CEP85L: variants seen among roughly 807,000 people sequenced by gnomAD.
CEP85L encodes centrosomal protein of 85 kDa-like.
CEP85L carries 60 observed loss-of-function variants against 100.3 expected under a neutral mutation model. The observed-to-expected ratio is 0.60, with a 90% CI of 0.49 to 0.74. CEP85L has a LOEUF of 0.74. Among genes scored for constraint, CEP85L ranks in the 30% least tolerant of loss-of-function variants. CEP85L has a pLI of 0.00. For synonymous variants in CEP85L, 319 were observed against 322.7 expected, an observed-to-expected ratio of 0.99 and a Z score of 0.12; for missense variants, 973 against 936.2, an observed-to-expected ratio of 1.04 and a Z score of -0.51.
At chr6:118,568,530 G>C (rs1279447433) in intron 2 of CEP85L, among the ~76,000 whole-genome samples, 1 of 152,182 alleles carries the variant, frequency 6.6e-6, no homozygotes, top group African/African-American at 2.4e-5. Flanking sequence ...GATAGGTAAA[G>C]GTGAAGCAGA....
intron 2 of CEP85L, among the ~76,000 whole-genome samples, chr6:118,575,173 C>A (rs985454688): frequency 2.6e-5 from 4 of 152,100 alleles, no homozygotes; most frequent in Admixed American, 1.3e-4. Context: ...ATGGGAAATA[C>A]CCCAGACAAG....
At chr6:118,564,961 A>G (rs989680338) in intron 3 of CEP85L, 2 of 153,018 alleles carry the variant, frequency 1.3e-5, no homozygotes, top group Non-Finnish European at 2.9e-5. Flanking sequence ...AGCACTTTCT[A>G]TAAGCTGATT....
Position 118,465,519 on chromosome 6 carries a change from T to C in CEP85L, c.2304A>G (p.Thr768=). The C allele has an allele frequency of 1.2e-6, 2 of 1,613,608 alleles. No individual in the cohort carries two copies. The highest frequency in any genetic ancestry group is 1.7e-6 in the Non-Finnish European group (2 of 1,179,658). ...EETENDHSTE[T]LTKKLSDVCQ... is the part of the protein sequence containing the mutation. ...ACACATCTGACAGCTTTTTAGTGAG[T>C]GTTTCTGTGCTGTGGTCATTCTCAG... Residue 768 remains threonine, a synonymous_variant, in exon 13 of 13, where the codon ACA becomes ACG. Coordinates refer to ENST00000368491, the MANE Select transcript of CEP85L (RefSeq NM_001042475.3).
At chr6:118,644,368 T>C (rs1215041154) in intron 1 of CEP85L, among the ~76,000 whole-genome samples, 2 of 152,002 alleles carry the variant, frequency 1.3e-5, no homozygotes, top group Non-Finnish European at 2.9e-5. Context: ...CTCTACTGTC[T>C]TCTCTATTCT....
intron 4 of CEP85L, among the ~76,000 whole-genome samples, chr6:118,519,466 GTGTGTGT>G (rs1776496882): frequency 4.8e-5 from 3 of 63,152 alleles, no homozygotes; most frequent in Non-Finnish European, 1.0e-4. Flanking sequence ...GTGTGTGTGT[GTGTGTGT>G]GGCGGGGGGG....
rs113117903 is a variant in CEP85L, at chr6:118,644,306, G to A, written c.73+6891C>T. On this transcript the variant is annotated intron_variant, in intron 1 of 12. Coordinates refer to ENST00000368491, the MANE Select transcript of CEP85L (RefSeq NM_001042475.3). ...CTGCTCCTTCTCAGTGTCTTTGGAC[G>A]GCACATCTTCCTCTGCCTGAAGAGA... 1.7e-4 allele frequency among the ~76,000 whole-genome samples: 26 copies of A among 151,670 alleles called. 1 individual carries two copies. Among genetic ancestry groups the A allele is most frequent in the East Asian group, 5.8e-4 (3 of 5,136 alleles).
At chr6:118,530,826 T>G (rs1262432022) in intron 3 of CEP85L, among the ~76,000 whole-genome samples, 1 of 149,542 alleles carries the variant, frequency 6.7e-6, no homozygotes, top group Non-Finnish European at 1.5e-5. Context: ...ACAACAAGAA[T>G]TACAAAACAC....
chr6:118,542,924 C>G (rs981464471), intron 3 of CEP85L, among the ~76,000 whole-genome samples: 1 of 54,230 alleles, frequency 1.8e-5, no homozygotes, highest in Non-Finnish European at 4.2e-5. Context: ...AAAAAAAAAA[C>G]AGGATATTCA....
chr6:118,550,515 G>A (rs185066910), intron 3 of CEP85L, among the ~76,000 whole-genome samples: 14 of 151,848 alleles, frequency 9.2e-5, no homozygotes, highest in Admixed American at 7.9e-4. Flanking sequence ...ATATACTCGT[G>A]TACACAAATA....
chr6:118,637,591 T>TA (rs1397641007), intron 1 of CEP85L, among the ~76,000 whole-genome samples: 3 of 150,272 alleles, frequency 2.0e-5, no homozygotes, highest in Non-Finnish European at 4.4e-5. Context: ...GGCACATGCC[T>TA]GTAGTCTCAG....
At chr6:118,541,881 T>G (rs1454843047) in intron 3 of CEP85L, among the ~76,000 whole-genome samples, 2 of 152,218 alleles carry the variant, frequency 1.3e-5, no homozygotes, top group East Asian at 3.8e-4. Flanking sequence ...TTAGCTCATT[T>G]TCTCAAAGAA....
At chr6:118,596,450 C>T (rs1246492158) in intron 2 of CEP85L, among the ~76,000 whole-genome samples, 4 of 152,018 alleles carry the variant, frequency 2.6e-5, no homozygotes, top group Admixed American at 6.6e-5. Context: ...GGTAAGCACA[C>T]TTACCAAAGA....
chr6:118,481,906 T>A lies in CEP85L; in HGVS notation c.1618A>T (p.Asn540Tyr). 6.4e-7 allele frequency: 1 copy of A among 1,570,128 alleles called. No individual in the cohort carries two copies. Among genetic ancestry groups the A allele is most frequent in the Non-Finnish European group, 8.6e-7 (1 of 1,158,830 alleles). Reference sequence around the variant, plus strand: ...GTATCTATCAAAGCCTCTTGTAAATTCTTATTTTTTTCTTCCAGAATCTGC... The same window carrying A: ...GTATCTATCAAAGCCTCTTGTAAATACTTATTTTTTTCTTCCAGAATCTGC... Reference protein sequence around the residue: ...QLQILEEKNKNLQEALIDTEK... With the variant: ...QLQILEEKNKYLQEALIDTEK... The change falls in exon 8 of 13, where the codon AAT becomes TAT. Residue 540 changes from asparagine (N) to tyrosine (Y), a missense_variant. By Grantham distance (143) the Asn-to-Tyr change is moderately radical. Around this residue, in one of 3 missense-constraint regions of CEP85L, gnomAD observed 890 missense variants for 844.5 expected, o/e 1.05. Coordinates refer to ENST00000368491, the MANE Select transcript of CEP85L (RefSeq NM_001042475.3).
chr6:118,490,250 A>T (rs1397884656), intron 6 of CEP85L, among the ~76,000 whole-genome samples: 1 of 152,184 alleles, frequency 6.6e-6, no homozygotes, highest in African/African-American at 2.4e-5. Context: ...ATAAATGAAT[A>T]AGTGCTAGAG....
At chr6:118,601,580 A>G (rs1367423867) in intron 2 of CEP85L, among the ~76,000 whole-genome samples, 1 of 152,196 alleles carries the variant, frequency 6.6e-6, no homozygotes, top group African/African-American at 2.4e-5. Context: ...TTTTCTTCCC[A>G]AAGTGAAAGC....
intron 2 of CEP85L, chr6:118,573,872 A>T (rs1398554207): frequency 6.6e-6 from 1 of 152,222 alleles, no homozygotes; most frequent in Non-Finnish European, 1.5e-5. Flanking sequence ...TAACAGCTAA[A>T]ACTATAAAAC....
intron 2 of CEP85L, among the ~76,000 whole-genome samples, chr6:118,577,522 C>T (rs994653014): frequency 4.6e-5 from 7 of 152,052 alleles, no homozygotes; most frequent in Non-Finnish European, 5.9e-5. Context: ...GTATTGTTCT[C>T]GTGGGTAACT....
Position 118,565,522 on chromosome 6 carries a change from A to C in CEP85L, c.1020+7T>G. ...GAGGGAAGCAAACACTAGATTTTGC[A>C]CCTTACCTGCATTGGTGTTTCACTT... On this transcript the variant is annotated splice_region_variant and intron_variant, in intron 3 of 12. Coordinates refer to ENST00000368491, the MANE Select transcript of CEP85L (RefSeq NM_001042475.3). 2 of 1,613,752 alleles carry C rather than the reference A, an allele frequency of 1.2e-6. No individual in the cohort carries two copies. Among genetic ancestry groups the C allele is most frequent in the Admixed American group, 3.3e-5 (2 of 60,022 alleles).
intron 5 of CEP85L, chr6:118,502,752 T>G (rs565165053): frequency 1.6e-5 from 9 of 557,880 alleles, no homozygotes; most frequent in Admixed American, 5.2e-5. Flanking sequence ...GCTGAACAGG[T>G]GACCAATAAT....
Sources: gnomAD v4.1 joint callset for allele counts (sites outside exome capture counted in the v4.1 genomes callset) on GRCh38, gnomAD v4.1.1 for gene constraint, gnomAD v4.1.1 regional missense constraint, MANE v1.5 for transcripts, NCBI Gene and HGNC (gene_info 2026-07-23, HGNC 2026-07-21) for gene names.